The following ZNF804B variants were observed in gnomAD, a reference collection of about 807,000 sequenced individuals.
ZNF804B encodes zinc finger 804B.
A neutral mutation model predicts 101.4 loss-of-function variants in ZNF804B; 80 were observed. That is an observed-to-expected ratio of 0.79 (90% CI 0.66 to 0.95). ZNF804B has a LOEUF of 0.95. ZNF804B is among the 40% of genes least tolerant of loss of function. The pLI is 0.00. For synonymous variants in ZNF804B, 622 were observed against 558.8 expected (o/e 1.11, Z -1.59); for missense variants, 1,673 against 1,561.9 (o/e 1.07, Z -1.20).
At chr7:89,069,231 T>C (rs1417628877) in intron 1 of ZNF804B, among the ~76,000 whole-genome samples, 2 of 152,212 alleles carry the variant, frequency 1.3e-5, no homozygotes, top group Admixed American at 6.5e-5. Context: ...AAATCTCTTA[T>C]GTCTCTTTAC....
intron 1 of ZNF804B, among the ~76,000 whole-genome samples, chr7:88,941,408 T>G (rs1793052011): frequency 6.6e-6 from 1 of 151,988 alleles, no homozygotes; most frequent in Non-Finnish European, 1.5e-5. Context: ...TGCATTTAGA[T>G]AAGGGAATAT....
At position 89,309,759 on chromosome 7, in the gene ZNF804B, CAAAAAAAAAAAAAAAAA is replaced by C. The variant is rs397791531; in HGVS notation, c.250-17563_250-17547del. ...TGGGCTACAGAGTGAGACCCTGTCT[CAAAAAAAAAAAAAAAAA>C]AAAAAAAAAAAAAAAAAAAAAGAAG... is the stretch of plus-strand genomic sequence containing the variant. On this transcript the variant is annotated intron_variant, in intron 2 of 3. Transcript: ENST00000333190. 1.1e-3 allele frequency among the ~76,000 whole-genome samples: 80 copies of C among 70,786 alleles called. No homozygotes were observed. In the South Asian group the frequency reaches 0.013, roughly 12 times the overall value. 46.4% of individuals were successfully genotyped at this position (70,786 alleles called of 152,430 possible). A position where few individuals can be genotyped will look rare whatever the true frequency, so the allele number is the denominator to read the frequency against.
At chr7:89,152,074 C>T (rs1790885842) in intron 1 of ZNF804B, among the ~76,000 whole-genome samples, 1 of 151,970 alleles carries the variant, frequency 6.6e-6, no homozygotes, top group Non-Finnish European at 1.5e-5. Flanking sequence ...GTTAAACTAC[C>T]CTGGTGTTCC....
intron 2 of ZNF804B, among the ~76,000 whole-genome samples, chr7:89,312,766 G>A (rs1446796828): frequency 6.6e-6 from 1 of 151,616 alleles, no homozygotes; most frequent in Admixed American, 6.6e-5. Context: ...GGCTGAAGAA[G>A]GAAGATTGCC....
chr7:89,144,129 T>A (rs972046901), intron 1 of ZNF804B, among the ~76,000 whole-genome samples: 1 of 152,084 alleles, frequency 6.6e-6, no homozygotes, highest in African/African-American at 2.4e-5. Context: ...AAGCAGAGAA[T>A]ATACATTTGA....
Position 89,213,453 on chromosome 7 carries a change from G to A in ZNF804B, c.109-4702G>A, listed in dbSNP as rs547898456. Reference sequence around the variant, plus strand: ...GGTATTACCCATAAGGAGCTATGAAGAACAGCAATTGATTTCTTCCCTTTC... The same window carrying A: ...GGTATTACCCATAAGGAGCTATGAAAAACAGCAATTGATTTCTTCCCTTTC... On this transcript the variant is annotated intron_variant, in intron 1 of 3. Transcript: ENST00000333190. 5.1e-4 allele frequency among the ~76,000 whole-genome samples: 77 copies of A among 152,320 alleles called. 1 individual carries two copies. Among genetic ancestry groups the A allele is most frequent in the Admixed American group, 9.2e-4 (14 of 15,300 alleles).
At chr7:89,269,028 G>A (rs886536748) in intron 2 of ZNF804B, among the ~76,000 whole-genome samples, 20 of 151,532 alleles carry the variant, frequency 1.3e-4, no homozygotes, top group African/African-American at 3.6e-4. Flanking sequence ...TTATTTTTTG[G>A]TAATAGAAAA....
At chr7:88,837,870 C>T (rs1213081092) in intron 1 of ZNF804B, among the ~76,000 whole-genome samples, 5 of 151,652 alleles carry the variant, frequency 3.3e-5, no homozygotes, top group African/African-American at 4.8e-5. Flanking sequence ...TGTAAAATAC[C>T]ACCACTAATC....
intron 1 of ZNF804B, among the ~76,000 whole-genome samples, chr7:88,965,142 A>G (rs1342391786): frequency 6.6e-6 from 1 of 151,642 alleles, no homozygotes; most frequent in Non-Finnish European, 1.5e-5. Flanking sequence ...TGGTAAAACA[A>G]TATCTTCATT....
intron 1 of ZNF804B, among the ~76,000 whole-genome samples, chr7:89,048,188 CAT>C (rs1313447048): frequency 4.7e-5 from 6 of 128,294 alleles, no homozygotes; most frequent in Non-Finnish European, 9.7e-5. Context: ...TTAGTGAGAA[CAT>C]ATGATGTTCA....
chr7:89,113,808 G>A (rs951933950), intron 1 of ZNF804B, among the ~76,000 whole-genome samples: 4 of 151,884 alleles, frequency 2.6e-5, no homozygotes, highest in South Asian at 2.1e-4. Flanking sequence ...AAAATTAGCC[G>A]GACATGGTGG....
chr7:89,309,126 C>T (rs1226464207), intron 2 of ZNF804B, among the ~76,000 whole-genome samples: 1 of 152,072 alleles, frequency 6.6e-6, no homozygotes, highest in Non-Finnish European at 1.5e-5. Context: ...AGTTATTTAA[C>T]CCTTGCCCCC....
intron 2 of ZNF804B, among the ~76,000 whole-genome samples, chr7:89,232,945 G>A (rs1212391602): frequency 4.6e-5 from 7 of 151,670 alleles, no homozygotes; most frequent in African/African-American, 1.7e-4. Flanking sequence ...TTTTTGAGAT[G>A]GAGTCTCGCT....
chr7:89,114,381 G>A (rs1790276075), intron 1 of ZNF804B, among the ~76,000 whole-genome samples: 2 of 152,136 alleles, frequency 1.3e-5, no homozygotes, highest in African/African-American at 4.8e-5. Flanking sequence ...TTGAGCCATG[G>A]TTCAATGAAG....
At chr7:88,997,631 CA>C (rs1788219477) in intron 1 of ZNF804B, among the ~76,000 whole-genome samples, 1 of 151,998 alleles carries the variant, frequency 6.6e-6, no homozygotes, top group South Asian at 2.1e-4. Flanking sequence ...TTTCTACTGG[CA>C]GGGGCAGCCA....
chr7:89,192,928 G>A (rs934596622), intron 1 of ZNF804B, among the ~76,000 whole-genome samples: 1 of 151,900 alleles, frequency 6.6e-6, no homozygotes, highest in African/African-American at 2.4e-5. Context: ...ATGCAGAAAT[G>A]GCCTTCAAAA....
chr7:89,086,873 C>T, intron 1 of ZNF804B, among the ~76,000 whole-genome samples: 1 of 151,460 alleles, frequency 6.6e-6, no homozygotes. Context: ...GAATCTATAC[C>T]TAATGCTAAA....
chr7:89,132,267 AAAAT>A (rs1374960762), intron 1 of ZNF804B, among the ~76,000 whole-genome samples: 7 of 152,108 alleles, frequency 4.6e-5, no homozygotes, highest in East Asian at 3.9e-4. Flanking sequence ...TGTTCAGAAA[AAAAT>A]AAATCAGTGA....
chr7:88,960,565 T>C (rs1319651245), intron 1 of ZNF804B, among the ~76,000 whole-genome samples: 1 of 151,350 alleles, frequency 6.6e-6, no homozygotes, highest in African/African-American at 2.4e-5. Flanking sequence ...CTTAGGTGAC[T>C]CTTAGGTGAG....
Sources: gnomAD v4.1 joint callset for allele counts (sites outside exome capture counted in the v4.1 genomes callset) on GRCh38, gnomAD v4.1.1 for gene constraint, MANE v1.5 for transcripts, NCBI Gene and HGNC (gene_info 2026-07-23, HGNC 2026-07-21) for gene names.